The following PCSK6 variants were observed in gnomAD, a reference collection of about 807,000 sequenced individuals.
The protein encoded by PCSK6 is proprotein convertase subtilisin/kexin type 6, also known as paired basic amino acid cleaving enzyme 4.
In PCSK6, 85 loss-of-function variants were observed where a neutral mutation model predicts 123.3. That is an observed-to-expected ratio of 0.69 (90% CI 0.58 to 0.83). The LOEUF (loss-of-function observed/expected upper bound fraction) is 0.83. PCSK6 is among the 40% of genes least tolerant of loss of function. The probability of loss-of-function intolerance (pLI) is 0.00; values close to 1 mark genes in which losing one functional copy is unlikely to be tolerated. For missense variants in PCSK6, 1,191 were observed against 1,282.3 expected, an observed-to-expected ratio of 0.93 and a Z score of 1.09; for synonymous variants, 508 against 516.0, an observed-to-expected ratio of 0.98 and a Z score of 0.21.
intron 13 of PCSK6, among the ~76,000 whole-genome samples, chr15:101,343,412 A>G (rs2040663950): frequency 6.6e-6 from 1 of 151,938 alleles, no homozygotes; most frequent in Non-Finnish European, 1.5e-5. Context: ...GTTTTTTTCT[A>G]TCATCTTAAG....
intron 1 of PCSK6, among the ~76,000 whole-genome samples, chr15:101,472,250 A>C (rs2057624748): frequency 6.6e-6 from 1 of 152,218 alleles, no homozygotes; most frequent in Non-Finnish European, 1.5e-5. Context: ...TCTGCTATGA[A>C]GGGGCCGACG....
chr15:101,342,129 CAAAAAAAA>C (rs35083182), intron 13 of PCSK6, among the ~76,000 whole-genome samples: 1 of 51,512 alleles, frequency 1.9e-5, no homozygotes, highest in Non-Finnish European at 3.8e-5. Flanking sequence ...GACCCTGTCT[CAAAAAAAA>C]AAAAAAAAAA....
intron 6 of PCSK6, among the ~76,000 whole-genome samples, chr15:101,421,010 G>A (rs939655117): frequency 6.6e-6 from 1 of 152,066 alleles, no homozygotes; most frequent in Non-Finnish European, 1.5e-5. Flanking sequence ...GCAGTGGCAC[G>A]ATCTTGGCTC....
intron 1 of PCSK6, among the ~76,000 whole-genome samples, chr15:101,451,896 AC>A (rs2057045909): frequency 6.6e-6 from 1 of 152,228 alleles, no homozygotes; most frequent in South Asian, 2.1e-4. Context: ...TGACCACTGG[AC>A]CTATATTTAG....
At chr15:101,394,137 G>GTTTTTTTTTTT (rs1444048837) in intron 7 of PCSK6, among the ~76,000 whole-genome samples, 17 of 89,562 alleles carry the variant, frequency 1.9e-4, no homozygotes, top group African/African-American at 6.8e-4. Context: ...CCGTTTTTTT[G>GTTTTTTTTTTT]TTTTTTGTTT....
chr15:101,397,722 C>T (rs561594779), intron 7 of PCSK6, among the ~76,000 whole-genome samples: 1 of 152,372 alleles, frequency 6.6e-6, no homozygotes, highest in African/African-American at 2.4e-5. Flanking sequence ...TAAGAACTGG[C>T]TCATCTGCAG....
intron 1 of PCSK6, among the ~76,000 whole-genome samples, chr15:101,464,741 C>G (rs1453534282): frequency 1.3e-5 from 2 of 152,152 alleles, no homozygotes; most frequent in Non-Finnish European, 2.9e-5. Context: ...CTGGGGAGGC[C>G]TGGAGCTGGT....
chr15:101,369,499 G>T (rs2955966), intron 12 of PCSK6, among the ~76,000 whole-genome samples: 10 of 152,220 alleles, frequency 6.6e-5, no homozygotes, highest in Non-Finnish European at 1.3e-4. Context: ...GTCCTGGGGG[G>T]CTTCCTGCAG....
intron 6 of PCSK6, among the ~76,000 whole-genome samples, chr15:101,426,264 G>C (rs1456839060): frequency 6.6e-6 from 1 of 152,190 alleles, no homozygotes; most frequent in Non-Finnish European, 1.5e-5. Flanking sequence ...AACAAAACTG[G>C]GGAGGCAGCT....
intron 21 of PCSK6, among the ~76,000 whole-genome samples, chr15:101,306,659 T>G (rs1475850944): frequency 6.6e-6 from 1 of 152,222 alleles, no homozygotes; most frequent in Non-Finnish European, 1.5e-5. Flanking sequence ...TTAGCTTTGG[T>G]GCCCTTTTAA....
At chr15:101,479,585 A>T (rs2057819647) in intron 1 of PCSK6, among the ~76,000 whole-genome samples, 1 of 152,214 alleles carries the variant, frequency 6.6e-6, no homozygotes, top group Non-Finnish European at 1.5e-5. Flanking sequence ...TGGTCGGTGC[A>T]TGCAGAGGCT....
chr15:101,457,232 G>T (rs1396928470), intron 1 of PCSK6, among the ~76,000 whole-genome samples: 1 of 152,082 alleles, frequency 6.6e-6, no homozygotes, highest in Non-Finnish European at 1.5e-5. Flanking sequence ...AGCAGTTGAG[G>T]TCTTGGGCCT....
At chr15:101,306,825 G>A (rs1567132857) in intron 21 of PCSK6, among the ~76,000 whole-genome samples, 1 of 152,256 alleles carries the variant, frequency 6.6e-6, no homozygotes, top group Non-Finnish European at 1.5e-5. Context: ...CTCGTCCTGA[G>A]CAGAGACCCT....
intron 1 of PCSK6, among the ~76,000 whole-genome samples, chr15:101,477,669 G>C (rs903402029): frequency 1.3e-5 from 2 of 152,170 alleles, no homozygotes; most frequent in Admixed American, 1.3e-4. Flanking sequence ...ATTATACTGA[G>C]AGGAATCAAG....
intron 13 of PCSK6, among the ~76,000 whole-genome samples, chr15:101,341,825 C>T (rs1393734560): frequency 6.6e-6 from 1 of 152,116 alleles, no homozygotes; most frequent in African/African-American, 2.4e-5. Flanking sequence ...AGTAAACACA[C>T]TGAAGAGTAG....
At chr15:101,348,371 T>C (rs572328204) in intron 13 of PCSK6, among the ~76,000 whole-genome samples, 2 of 152,352 alleles carry the variant, frequency 1.3e-5, no homozygotes, top group Admixed American at 1.3e-4. Context: ...AGTGTGACAT[T>C]TGCGGAGTAA....
intron 15 of PCSK6, among the ~76,000 whole-genome samples, chr15:101,329,282 C>T (rs1425754622): frequency 6.6e-6 from 1 of 152,206 alleles, no homozygotes; most frequent in Non-Finnish European, 1.5e-5. Context: ...TCTCCATGTG[C>T]TTTGCCGTTG....
chr15:101,360,856 C>G (rs1205382285), intron 13 of PCSK6, among the ~76,000 whole-genome samples: 1 of 152,200 alleles, frequency 6.6e-6, no homozygotes, highest in African/African-American at 2.4e-5. Context: ...CTGAAATGCC[C>G]TTGTCACCCT....
At chr15:101,399,709 C>A (rs1413566841) in intron 6 of PCSK6, among the ~76,000 whole-genome samples, 1 of 152,178 alleles carries the variant, frequency 6.6e-6, no homozygotes, top group East Asian at 1.9e-4. Flanking sequence ...TGGACACACT[C>A]TTCCTGGATT....
Sources: gnomAD v4.1 joint callset for allele counts (sites outside exome capture counted in the v4.1 genomes callset) on GRCh38, gnomAD v4.1.1 for gene constraint, MANE v1.5 for transcripts, NCBI Gene and HGNC (gene_info 2026-07-23, HGNC 2026-07-21) for gene names.